Variants in FOXP1 observed in about 807,000 individuals in gnomAD.
The protein encoded by FOXP1 is forkhead box protein P1.
A neutral mutation model predicts 98.2 loss-of-function variants in FOXP1; 15 were observed. The observed-to-expected ratio is 0.15, with a 90% confidence interval of 0.10 to 0.24. The LOEUF (loss-of-function observed/expected upper bound fraction) is 0.24. Ranked by LOEUF, FOXP1 falls within the 10% of genes least tolerant of loss-of-function variation. The pLI, the probability that FOXP1 is intolerant of heterozygous loss-of-function variation, is 1.00. For synonymous variants in FOXP1, 371 were observed against 314.5 expected, an observed-to-expected ratio of 1.18 and a Z score of -1.90; for missense variants, 633 against 848.5, an observed-to-expected ratio of 0.75 and a Z score of 3.15.
In FOXP1 at chr3:71,307,512, G is replaced by A. The variant is rs140298135; in HGVS notation, c.-72-7632C>T. The stretch of plus-strand genomic sequence containing the variant: ...AGAATAAAACACAGGTTCTCTAAGC[G>A]GGGTGCCCACAGAAACTGAAGACGC... On this transcript the variant is annotated intron_variant, in intron 4 of 20. Transcript: ENST00000649528. Among the ~76,000 whole-genome samples the A allele has an allele frequency of 4.6e-3, 697 of 152,296 alleles. 7 individuals carry two copies. The highest frequency in any genetic ancestry group is 0.027 in the Middle Eastern group (8 of 292).
chr3:71,423,571 C>A (rs1316283749), intron 3 of FOXP1, among the ~76,000 whole-genome samples: 1 of 152,244 alleles, frequency 6.6e-6, no homozygotes, highest in Non-Finnish European at 1.5e-5. Context: ...CATGCTCAGA[C>A]ATGGTTCTAC....
chr3:71,459,842 T>C (rs2087855956), intron 3 of FOXP1, among the ~76,000 whole-genome samples: 1 of 152,350 alleles, frequency 6.6e-6, no homozygotes, highest in South Asian at 2.1e-4. Context: ...CTGATTTGTT[T>C]CTTTTTTTAT....
chr3:71,235,343 G>A (rs547468017), intron 5 of FOXP1, among the ~76,000 whole-genome samples: 12 of 152,202 alleles, frequency 7.9e-5, no homozygotes, highest in African/African-American at 2.2e-4. Context: ...AATGAACACC[G>A]ATTACGAAAC....
chr3:71,087,807 C>T (rs2055296448), intron 7 of FOXP1, among the ~76,000 whole-genome samples: 1 of 152,132 alleles, frequency 6.6e-6, no homozygotes, highest in Non-Finnish European at 1.5e-5. Context: ...AGATGACTAT[C>T]ACTTTCTATG....
chr3:71,222,066 T>A (rs1395635217), intron 5 of FOXP1, among the ~76,000 whole-genome samples: 1 of 152,074 alleles, frequency 6.6e-6, no homozygotes, highest in Non-Finnish European at 1.5e-5. Flanking sequence ...GGCAAGAGAA[T>A]CGCTTGAACC....
intron 7 of FOXP1, among the ~76,000 whole-genome samples, chr3:71,099,648 A>C (rs1337501177): frequency 6.6e-6 from 1 of 152,236 alleles, no homozygotes; most frequent in Non-Finnish European, 1.5e-5. Flanking sequence ...TCTCTAGATA[A>C]GAAAACAGAA....
chr3:71,538,451 G>C lies in FOXP1; in HGVS notation c.-298+43098C>G, dbSNP rs116587996. 2.7e-3 allele frequency among the ~76,000 whole-genome samples: 408 copies of C among 152,290 alleles called. 2 individuals carry two copies. The highest frequency in any genetic ancestry group is 9.6e-3 in the African/African-American group (399 of 41,554). On this transcript the variant is annotated intron_variant, in intron 2 of 20. Transcript: ENST00000649528. ...CTTGGTGTCTGGCTTCTTTTAGTTA[G>C]CACAATGTTTGCAAAGTTCATCAAT... is the stretch of plus-strand genomic sequence containing the variant.
intron 6 of FOXP1, among the ~76,000 whole-genome samples, chr3:71,161,471 A>C (rs2061132998): frequency 6.6e-6 from 1 of 152,214 alleles, no homozygotes; most frequent in Non-Finnish European, 1.5e-5. Flanking sequence ...TTCCTACAGA[A>C]CAAAGAGAAA....
intron 4 of FOXP1, among the ~76,000 whole-genome samples, chr3:71,346,667 T>C (rs2077382254): frequency 6.6e-6 from 1 of 152,082 alleles, no homozygotes; most frequent in South Asian, 2.1e-4. Context: ...AAGGGATGCT[T>C]GAAAACCCAA....
chr3:70,959,754 T>C (rs1419133372), intron 20 of FOXP1, among the ~76,000 whole-genome samples: 1 of 152,086 alleles, frequency 6.6e-6, no homozygotes, highest in Non-Finnish European at 1.5e-5. Flanking sequence ...CTGGTGGCAT[T>C]TCTCATACTT....
intron 1 of FOXP1, chr3:71,582,309 G>A: frequency 3.1e-6 from 3 of 971,726 alleles, no homozygotes; most frequent in Non-Finnish European, 3.7e-6. Flanking sequence ...AGGCGGGGGC[G>A]AGGGAAGGCG....
chr3:71,327,809 G>C (rs1257918041), intron 4 of FOXP1, among the ~76,000 whole-genome samples: 1 of 152,110 alleles, frequency 6.6e-6, no homozygotes, highest in Non-Finnish European at 1.5e-5. Flanking sequence ...CAATCTCAAA[G>C]TATCTCTAAT....
In FOXP1 at chr3:70,954,755, G is replaced by T. The variant is rs893081679; in HGVS notation, c.*4492C>A. The T allele has an allele frequency of 2.2e-5, 5 of 229,234 alleles. No individual in the cohort carries two copies. Among genetic ancestry groups the T allele is most frequent in the African/African-American group, 1.1e-4 (5 of 45,118 alleles). The allele number at this position is 229,234 out of a possible 1,614,324, so 14.2% of individuals were successfully genotyped here. On this transcript the variant is annotated 3_prime_UTR_variant, in exon 21 of 21. Transcript: ENST00000649528. ...CAGCATTTTTATTGCATTTGAGAAT[G>T]CTTATAATGTCAGTAATTAGTACTG...
At chr3:71,417,256 C>T (rs2083289316) in intron 3 of FOXP1, among the ~76,000 whole-genome samples, 2 of 152,238 alleles carry the variant, frequency 1.3e-5, no homozygotes, top group South Asian at 4.1e-4. Context: ...TGAGTCCCCA[C>T]CTCACCCACC....
chr3:71,032,295 CT>C (rs532269130), intron 11 of FOXP1, among the ~76,000 whole-genome samples: 1 of 152,238 alleles, frequency 6.6e-6, no homozygotes, highest in Non-Finnish European at 1.5e-5. Flanking sequence ...TGCAGTGGCA[CT>C]GAGGAGCCCA....
chr3:71,556,909 A>G (rs2107703981), intron 2 of FOXP1, among the ~76,000 whole-genome samples: 1 of 152,354 alleles, frequency 6.6e-6, no homozygotes, highest in East Asian at 1.9e-4. Context: ...CAGAAAGAGA[A>G]AGATTAAAAT....
At chr3:71,317,593 C>G (rs2075150664) in intron 4 of FOXP1, among the ~76,000 whole-genome samples, 1 of 152,126 alleles carries the variant, frequency 6.6e-6, no homozygotes, top group Non-Finnish European at 1.5e-5. Flanking sequence ...TGACTTAGTA[C>G]AGTATGCCTG....
chr3:71,489,559 C>G (rs1487761941), intron 3 of FOXP1, among the ~76,000 whole-genome samples: 1 of 152,208 alleles, frequency 6.6e-6, no homozygotes, highest in East Asian at 1.9e-4. Flanking sequence ...AAATATGCAG[C>G]AGGCATTGCC....
Position 71,530,361 on chromosome 3 carries a change from C to T in FOXP1, c.-297-36806G>A, listed in dbSNP as rs952810644. Among the ~76,000 whole-genome samples the T allele has an allele frequency of 2.6e-5, 4 of 152,106 alleles. No individual in the cohort carries two copies. In the South Asian group the frequency reaches 6.2e-4, roughly 24 times the overall value. On this transcript the variant is annotated intron_variant, in intron 2 of 20. Coordinates refer to ENST00000649528, the MANE Select transcript of FOXP1 (RefSeq NM_001349338.3). ...CCCGCCACGTGATAACCCAAAAGGC[C>T]CTCGACAGGTGCAGCCCCTCAATCT... is the stretch of plus-strand genomic sequence containing the variant.
Sources: allele counts gnomAD v4.1 joint callset (sites outside exome capture counted in the v4.1 genomes callset), GRCh38; gene constraint gnomAD v4.1.1; transcripts MANE v1.5; gene names NCBI Gene and HGNC (gene_info 2026-07-23, HGNC 2026-07-21).